SMAD5: variants seen among roughly 807,000 people sequenced by gnomAD.
SMAD5 encodes the protein SMAD family member 5.
Under a neutral mutation model 43.1 loss-of-function variants are expected in SMAD5, and 9 were observed. The observed-to-expected ratio is 0.21, with a 90% confidence interval of 0.13 to 0.36. SMAD5 has a LOEUF of 0.36. Ranked by LOEUF, SMAD5 falls within the 10% of genes least tolerant of loss-of-function variation. The probability of loss-of-function intolerance (pLI) is 1.00; values close to 1 mark genes in which losing one functional copy is unlikely to be tolerated. For synonymous variants in SMAD5, 190 were observed against 192.4 expected, an observed-to-expected ratio of 0.99 and a Z score of 0.10; for missense variants, 348 against 574.0, an observed-to-expected ratio of 0.61 and a Z score of 4.02.
At chr5:136,142,478 A>G (rs1753118753) in intron 1 of SMAD5, among the ~76,000 whole-genome samples, 1 of 152,182 alleles carries the variant, frequency 6.6e-6, no homozygotes, top group South Asian at 2.1e-4. Context: ...GCAGTTTTTC[A>G]GAAGAATCAG....
Position 136,177,583 on chromosome 5 carries a change from A to G in SMAD5, c.*103A>G, listed in dbSNP as rs1233351497. 12 of 838,680 alleles carry G rather than the reference A, an allele frequency of 1.4e-5. No individual in the cohort carries two copies. The highest frequency in any genetic ancestry group is 2.7e-5 in the East Asian group (1 of 37,166). 52.0% of individuals were successfully genotyped at this position (838,680 alleles called of 1,614,324 possible). ...AGCTTACATTGAAAACAGATATTAC[A>G]GCTTATTTTTTTCTACATAATTGTG... On this transcript the variant is annotated 3_prime_UTR_variant, in exon 8 of 8. Coordinates refer to ENST00000545279, the MANE Select transcript of SMAD5 (RefSeq NM_005903.7).
chr5:136,149,836 A>C (rs1753393124), intron 2 of SMAD5, among the ~76,000 whole-genome samples: 1 of 151,906 alleles, frequency 6.6e-6, no homozygotes, highest in Admixed American at 6.6e-5. Context: ...TAAAGAGTTG[A>C]GTGTGAGATT....
intron 6 of SMAD5, 175 bp downstream of exon 6, chr5:136,172,830 T>C: frequency 1.7e-6 from 1 of 584,020 alleles, no homozygotes; most frequent in Non-Finnish European, 3.1e-6. Context: ...TGTTCCCTCA[T>C]TTTTTTGTCC....
intron 2 of SMAD5, among the ~76,000 whole-genome samples, chr5:136,149,861 T>G (rs1753394389): frequency 1.3e-5 from 2 of 152,040 alleles, no homozygotes; most frequent in South Asian, 4.1e-4. Context: ...CCTCTCCCTG[T>G]GCTAGTTTTA....
chr5:136,135,588 TA>T (rs1346999138), intron 1 of SMAD5, among the ~76,000 whole-genome samples: 3 of 152,210 alleles, frequency 2.0e-5, no homozygotes, highest in East Asian at 1.9e-4. Context: ...AAATACCATC[TA>T]AAAAAATCTA....
At chr5:136,168,631 C>G (rs1754103097) in intron 5 of SMAD5, among the ~76,000 whole-genome samples, 1 of 152,172 alleles carries the variant, frequency 6.6e-6, no homozygotes, top group South Asian at 2.1e-4. Context: ...TTTGTACATT[C>G]TGTGGGTTTT....
At chr5:136,154,958 G>GC (rs1298072436) in intron 3 of SMAD5, among the ~76,000 whole-genome samples, 2 of 152,036 alleles carry the variant, frequency 1.3e-5, no homozygotes, top group African/African-American at 4.8e-5. Flanking sequence ...GCCCCTCTTT[G>GC]CTGGCGTATT....
intron 1 of SMAD5, among the ~76,000 whole-genome samples, chr5:136,137,427 C>G (rs1025210621): frequency 1.3e-5 from 2 of 152,130 alleles, no homozygotes; most frequent in African/African-American, 4.8e-5. Context: ...TAGAAAAAAA[C>G]TAGTGTCCCA....
chr5:136,172,375 A>G, intron 5 of SMAD5, 59 bp from the exon 6 acceptor site: 2 of 1,011,296 alleles, frequency 2.0e-6, no homozygotes, highest in Admixed American at 2.4e-5. Flanking sequence ...AGATAAACAC[A>G]TGGACAATCT....
intron 5 of SMAD5, 80 bp from the exon 6 acceptor site, chr5:136,172,354 G>A (rs1293717187): frequency 1.3e-6 from 1 of 783,562 alleles, no homozygotes; most frequent in Non-Finnish European, 2.0e-6. Context: ...TAATACTTGG[G>A]TTGGGTTAAA....
At chr5:136,163,001 A>G (rs538543861) in intron 4 of SMAD5, among the ~76,000 whole-genome samples, 1 of 152,190 alleles carries the variant, frequency 6.6e-6, no homozygotes, top group Non-Finnish European at 1.5e-5. Flanking sequence ...TTGACCTTGA[A>G]TTCTGTTTCA....
chr5:136,133,016 C>G lies in SMAD5; in HGVS notation c.-245+54C>G, dbSNP rs1021250295. On this transcript the variant is annotated intron_variant, in intron 1 of 7. Transcript: ENST00000545279. ...CGAGGGGAACTGGGGGCTGCAGGCTCTGCCCCGGCGGACTCGGGCCGAGGC... is the reference window on the plus strand; with the variant it reads ...CGAGGGGAACTGGGGGCTGCAGGCTGTGCCCCGGCGGACTCGGGCCGAGGC... The G allele has an allele frequency of 2.0e-5, 3 of 152,470 alleles. No homozygotes were observed. In the South Asian group the frequency reaches 6.2e-4, roughly 32 times the overall value. The allele number at this position is 152,470 out of a possible 1,614,324, so 9.4% of individuals were successfully genotyped here. A position where few individuals can be genotyped will look rare whatever the true frequency, so the allele number is the denominator to read the frequency against.
At chr5:136,160,768 AC>A (rs1317934492) in intron 3 of SMAD5, 87 bp from the exon 4 acceptor site, 1 of 1,301,112 alleles carries the variant, frequency 7.7e-7, no homozygotes, top group East Asian at 2.3e-5. Context: ...TTACAGTCTT[AC>A]ATGAATCCTT....
chr5:136,170,844 A>AT (rs1243345000), intron 5 of SMAD5, among the ~76,000 whole-genome samples: 3 of 152,012 alleles, frequency 2.0e-5, no homozygotes, highest in Non-Finnish European at 2.9e-5. Flanking sequence ...GTAAATTATA[A>AT]TTTTTTTATT....
intron 1 of SMAD5, chr5:136,133,298 G>A (rs1280634162): frequency 6.6e-6 from 1 of 152,642 alleles, no homozygotes. Context: ...GCGCTGTCCT[G>A]GGGAGCGGTT....
chr5:136,145,040 G>A (rs1402592450), intron 1 of SMAD5, among the ~76,000 whole-genome samples: 1 of 151,790 alleles, frequency 6.6e-6, no homozygotes, highest in Non-Finnish European at 1.5e-5. Flanking sequence ...GATACTGGGG[G>A]CAAGTGATGG....
chr5:136,138,056 A>T (rs909564130), intron 1 of SMAD5, among the ~76,000 whole-genome samples: 7 of 152,206 alleles, frequency 4.6e-5, no homozygotes, highest in African/African-American at 1.4e-4. Context: ...CTGTACAAGC[A>T]TACTCAAACA....
chr5:136,175,011 C>T (rs991735392), intron 7 of SMAD5, among the ~76,000 whole-genome samples: 2 of 152,166 alleles, frequency 1.3e-5, no homozygotes, highest in Non-Finnish European at 2.9e-5. Context: ...CACAGTTCCA[C>T]GTGGCTGGGG....
At position 136,180,908 on chromosome 5, in the gene SMAD5, A is replaced by C. The variant is rs1006389381; in HGVS notation, c.*3428A>C. On this transcript the variant is annotated 3_prime_UTR_variant, in exon 8 of 8. Coordinates refer to ENST00000545279, the MANE Select transcript of SMAD5 (RefSeq NM_005903.7). ...TACTCATACCTGAAATCTGTTGTCA[A>C]GATTAGAACTGGGGTTCATGTTAAA... 3.9e-5 allele frequency: 6 copies of C among 152,146 alleles called. No homozygotes were observed. The highest frequency in any genetic ancestry group is 8.8e-5 in the Non-Finnish European group (6 of 67,970). The allele number at this position is 152,146 out of a possible 1,614,324, so 9.4% of individuals were successfully genotyped here.
Sources: gnomAD v4.1 joint callset for allele counts (sites outside exome capture counted in the v4.1 genomes callset) on GRCh38, gnomAD v4.1.1 for gene constraint, MANE v1.5 for transcripts, NCBI Gene and HGNC (gene_info 2026-07-23, HGNC 2026-07-21) for gene names.